TRPC7: variants seen among roughly 807,000 people sequenced by gnomAD.
The protein encoded by TRPC7 is short transient receptor potential channel 7.
TRPC7 carries 42 observed loss-of-function variants against 90.1 expected under a neutral mutation model. The ratio of observed to expected loss-of-function variants is 0.47; its 90% CI spans 0.36 to 0.60. The LOEUF (loss-of-function observed/expected upper bound fraction) is 0.60. Ranked by LOEUF, TRPC7 falls within the 20% of genes least tolerant of loss-of-function variation. TRPC7 has a pLI of 0.00. For missense variants in TRPC7, 955 were observed against 1,112.3 expected, an observed-to-expected ratio of 0.86 and a Z score of 2.01; for synonymous variants, 451 against 436.3, an observed-to-expected ratio of 1.03 and a Z score of -0.42.
At chr5:136,236,813 ATCTC>A (rs914734970) in intron 7 of TRPC7, among the ~76,000 whole-genome samples, 18 of 152,288 alleles carry the variant, frequency 1.2e-4, no homozygotes, top group African/African-American at 3.1e-4. Context: ...AGAATGCCAT[ATCTC>A]TCTCTCCCCA....
chr5:136,273,484 G>A (rs6897801), intron 4 of TRPC7, among the ~76,000 whole-genome samples: 3,532 of 152,158 alleles, frequency 0.023, 150 homozygotes, highest in African/African-American at 0.081. Context: ...ACTACTCTCC[G>A]GAAGAAGGAT....
chr5:136,267,935 A>G (rs1031974471), intron 4 of TRPC7, among the ~76,000 whole-genome samples: 2 of 152,202 alleles, frequency 1.3e-5, no homozygotes, highest in Non-Finnish European at 2.9e-5. Flanking sequence ...ATTACTTACA[A>G]AAATAGGGAC....
chr5:136,216,782 C>T (rs541391653), intron 10 of TRPC7, among the ~76,000 whole-genome samples: 9 of 152,302 alleles, frequency 5.9e-5, no homozygotes, highest in Admixed American at 2.6e-4. Flanking sequence ...CAGGATCAGG[C>T]TTGGAGGACA....
At chr5:136,281,815 A>G (rs1757560194) in intron 3 of TRPC7, among the ~76,000 whole-genome samples, 1 of 152,156 alleles carries the variant, frequency 6.6e-6, no homozygotes. Flanking sequence ...TTACGGTGCA[A>G]TTTTTAAACC....
rs1159641516 is a variant in TRPC7 at position 136,234,333 on chromosome 5, A to T, written c.1845-2784T>A. ...TTCTTTTTTTTTTTTTCTGAGACAGAGTTTCACTCTTGTCGCCCAGGCTGG... is the reference window on the plus strand; with the variant it reads ...TTCTTTTTTTTTTTTTCTGAGACAGTGTTTCACTCTTGTCGCCCAGGCTGG... On this transcript the variant is annotated intron_variant, in intron 7 of 11. Coordinates refer to ENST00000513104, the MANE Select transcript of TRPC7 (RefSeq NM_020389.3). 9.9e-5 allele frequency among the ~76,000 whole-genome samples: 15 copies of T among 151,230 alleles called. No homozygotes were observed. In the East Asian group the frequency reaches 2.9e-3, roughly 29 times the overall value.
chr5:136,346,208 A>G (rs900048967), intron 2 of TRPC7, among the ~76,000 whole-genome samples: 3 of 152,176 alleles, frequency 2.0e-5, no homozygotes, highest in African/African-American at 4.8e-5. Context: ...GTGCACATGT[A>G]CCCTAGAACT....
intron 2 of TRPC7, among the ~76,000 whole-genome samples, chr5:136,322,784 T>C (rs1759237871): frequency 6.6e-6 from 1 of 152,222 alleles, no homozygotes; most frequent in Non-Finnish European, 1.5e-5. Context: ...GTATCTTCTT[T>C]GATAAAGTTT....
chr5:136,361,153 A>G (rs1360669817), intron 1 of TRPC7, among the ~76,000 whole-genome samples: 1 of 152,228 alleles, frequency 6.6e-6, no homozygotes, highest in Non-Finnish European at 1.5e-5. Flanking sequence ...AATGATAAGC[A>G]AAATGAATCT....
chr5:136,213,500 T>C lies in TRPC7; in HGVS notation c.2524A>G (p.Ser842Gly). ...TTTAAGTTCTTTCCAAACTTCTCGC[T>C]GAGTTGTTGAATCAGGTCTGCCAGC... ...GELADLIQQLSEKFGKNLNKD... is the reference protein window; with the variant it reads ...GELADLIQQLGEKFGKNLNKD... The change falls in exon 12 of 12, where the codon AGC becomes GGC. Residue 842 changes from serine (S) to glycine (G), a missense_variant. Around this residue, in one of 4 missense-constraint regions of TRPC7, gnomAD observed 296 missense variants for 422.7 expected, o/e 0.70. Coordinates refer to ENST00000513104, the MANE Select transcript of TRPC7 (RefSeq NM_020389.3). 1 of 1,614,068 alleles carries C rather than the reference T, an allele frequency of 6.2e-7. No individual in the cohort carries two copies. Among genetic ancestry groups the C allele is most frequent in the Non-Finnish European group, 8.5e-7 (1 of 1,179,900 alleles).
chr5:136,301,780 C>T (rs373668040), intron 3 of TRPC7, among the ~76,000 whole-genome samples: 49 of 152,342 alleles, frequency 3.2e-4, no homozygotes, highest in African/African-American at 1.1e-3. Flanking sequence ...AAATAAACAG[C>T]CATGTTGTTC....
chr5:136,245,393 G>C (rs950486085), intron 7 of TRPC7, among the ~76,000 whole-genome samples: 2 of 152,204 alleles, frequency 1.3e-5, no homozygotes, highest in African/African-American at 4.8e-5. Context: ...GGGCAGCGCA[G>C]TCCATAATTC....
chr5:136,230,305 A>G (rs1370614607), intron 8 of TRPC7, among the ~76,000 whole-genome samples: 1 of 152,240 alleles, frequency 6.6e-6, no homozygotes, highest in Non-Finnish European at 1.5e-5. Context: ...AAGTATAAAG[A>G]AAAAGGAATT....
In TRPC7 at chr5:136,274,796, C is replaced by T; in HGVS notation, c.1005G>A (p.Met335Ile). ...GTAAGCCTGAGAGATTTTCATACCA[C>T]ATGGTAAGCAATTGCTGCTGACAGT... The part of the protein sequence containing the change: ...HPNCQQQLLT[M>I]WYENLSGLRQ... The change falls in exon 4 of 12, where the codon ATG becomes ATA. Residue 335 changes from methionine (M) to isoleucine (I), a missense_variant. Met to Ile is a conservative substitution (Grantham distance 10, BLOSUM62 1). This residue lies in a region of TRPC7 where 484 missense variants were observed against 509.6 expected (regional missense o/e 0.95). Transcript: ENST00000513104. The T allele has an allele frequency of 6.3e-7, 1 of 1,588,564 alleles. No homozygotes were observed. Among genetic ancestry groups the T allele is most frequent in the African/African-American group, 1.3e-5 (1 of 74,532 alleles).
At chr5:136,246,589 A>G (rs558573801) in intron 7 of TRPC7, among the ~76,000 whole-genome samples, 5 of 152,218 alleles carry the variant, frequency 3.3e-5, no homozygotes, top group African/African-American at 1.2e-4. Context: ...TGCTTTCCCC[A>G]TCTTCACTTC....
intron 7 of TRPC7, among the ~76,000 whole-genome samples, chr5:136,244,120 C>G (rs1389184286): frequency 6.6e-6 from 1 of 152,046 alleles, no homozygotes; most frequent in South Asian, 2.1e-4. Context: ...CATAATCTCT[C>G]TCTCTCTCTC....
At chr5:136,267,879 C>T (rs896296069) in intron 4 of TRPC7, among the ~76,000 whole-genome samples, 1 of 152,052 alleles carries the variant, frequency 6.6e-6, no homozygotes, top group Non-Finnish European at 1.5e-5. Context: ...GTTTATCTGA[C>T]AATAGGCCCA....
At chr5:136,266,503 C>T (rs1287190455) in intron 4 of TRPC7, 67 bp from the exon 5 acceptor site, 21 of 1,377,532 alleles carry the variant, frequency 1.5e-5, no homozygotes, top group Admixed American at 2.1e-5. Flanking sequence ...TTCTTTATAA[C>T]ATCGCTTTCA....
intron 6 of TRPC7, among the ~76,000 whole-genome samples, chr5:136,250,287 C>G (rs1414013239): frequency 6.6e-6 from 1 of 152,244 alleles, no homozygotes; most frequent in African/African-American, 2.4e-5. Context: ...CGGGCAGTTA[C>G]TCAACTTTTG....
At chr5:136,316,598 G>A (rs1358864350) in intron 2 of TRPC7, among the ~76,000 whole-genome samples, 1 of 151,956 alleles carries the variant, frequency 6.6e-6, no homozygotes, top group Admixed American at 6.6e-5. Context: ...CTTTCCCTAG[G>A]TATACCTGTC....
Sources: gnomAD v4.1 joint callset for allele counts (sites outside exome capture counted in the v4.1 genomes callset) on GRCh38, gnomAD v4.1.1 for gene constraint, gnomAD v4.1.1 regional missense constraint, MANE v1.5 for transcripts, NCBI Gene and HGNC (gene_info 2026-07-23, HGNC 2026-07-21) for gene names.